NRG2: variants seen among roughly 807,000 people sequenced by gnomAD.
NRG2 encodes pro-neuregulin-2, membrane-bound isoform.
A neutral mutation model predicts 73.9 loss-of-function variants in NRG2; 27 were observed. The ratio of observed to expected loss-of-function variants is 0.37; its 90% CI spans 0.27 to 0.50. NRG2 has a LOEUF of 0.50. Among genes scored for constraint, NRG2 ranks in the 20% least tolerant of loss-of-function variants. The probability of loss-of-function intolerance (pLI) is 0.96; values close to 1 mark genes in which losing one functional copy is unlikely to be tolerated. For missense variants in NRG2, 1,126 were observed against 1,210.1 expected (o/e 0.93, Z 1.03); for synonymous variants, 532 against 541.0 (o/e 0.98, Z 0.23).
chr5:139,938,941 GAAAGAA>G (rs1753123544), intron 1 of NRG2, among the ~76,000 whole-genome samples: 2 of 113,282 alleles, frequency 1.8e-5, no homozygotes, highest in South Asian at 5.8e-4. Flanking sequence ...AAGAAAGAAA[GAAAGAA>G]AGAAAGAAAG....
At chr5:139,963,879 G>T (rs1304782163) in intron 1 of NRG2, among the ~76,000 whole-genome samples, 1 of 152,176 alleles carries the variant, frequency 6.6e-6, no homozygotes, top group Non-Finnish European at 1.5e-5. Context: ...AAGAGTTGGG[G>T]TTGTTCACAT....
intron 6 of NRG2, 104 bp downstream of exon 6, chr5:139,855,572 T>C: frequency 2.0e-6 from 2 of 983,694 alleles, no homozygotes; most frequent in Admixed American, 3.4e-5. Flanking sequence ...TAGGAGGGTA[T>C]AGAGGGCTCC....
Position 139,856,137 on chromosome 5 carries a change from GC to G in NRG2, c.1190-360del. On this transcript the variant is annotated intron_variant, in intron 5 of 9. Transcript: ENST00000361474. The surrounding 1 kb of genome is among the most constrained non-coding windows in gnomAD (Gnocchi z 4.2). ...GAGCAGGGGAGGACAGCTCAGTCTG[GC>G]CGGTGACCCTGCCCTGCTCCACAGT... The G allele has an allele frequency of 3.6e-6, 1 of 278,232 alleles. No homozygotes were observed. The highest frequency in any genetic ancestry group is 6.1e-5 in the South Asian group (1 of 16,450). The allele number at this position is 278,232 out of a possible 1,614,324, so 17.2% of individuals were successfully genotyped here. A position where few individuals can be genotyped will look rare whatever the true frequency, so the allele number is the denominator to read the frequency against.
chr5:139,944,245 C>T (rs566273131), intron 1 of NRG2, among the ~76,000 whole-genome samples: 1 of 152,178 alleles, frequency 6.6e-6, no homozygotes, highest in South Asian at 2.1e-4. Flanking sequence ...AAACATTTAT[C>T]ATTTCTTTGT....
chr5:140,001,506 G>A (rs906953341), intron 1 of NRG2, among the ~76,000 whole-genome samples: 1 of 152,080 alleles, frequency 6.6e-6, no homozygotes, highest in Non-Finnish European at 1.5e-5. Flanking sequence ...TATAAAAGCA[G>A]ATATAATTCA....
At chr5:139,888,708 C>A (rs989497795) in intron 1 of NRG2, among the ~76,000 whole-genome samples, 3 of 152,104 alleles carry the variant, frequency 2.0e-5, no homozygotes, top group African/African-American at 7.2e-5. Flanking sequence ...GGGCACAGGG[C>A]ACAGAGGAAG....
chr5:139,929,739 G>A (rs778869645), intron 1 of NRG2, among the ~76,000 whole-genome samples: 1 of 152,168 alleles, frequency 6.6e-6, no homozygotes, highest in Non-Finnish European at 1.5e-5. Flanking sequence ...AAGATTGGAT[G>A]CCGTGACTTC....
rs2127070120 is a variant in NRG2, at chr5:139,870,609, T to C, written c.1112+1112A>G. Among the ~76,000 whole-genome samples, 1 of 152,258 alleles carries C rather than the reference T, an allele frequency of 6.6e-6. No individual in the cohort carries two copies. The highest frequency in any genetic ancestry group is 2.4e-5 in the African/African-American group (1 of 41,536). ...ACATCTCTCTCTGAATCCCCATCAATGTTTTGGTGGCCTTTGCCCAGATGC... is the reference window on the plus strand; with the variant it reads ...ACATCTCTCTCTGAATCCCCATCAACGTTTTGGTGGCCTTTGCCCAGATGC... On this transcript the variant is annotated intron_variant, in intron 4 of 9. Coordinates refer to ENST00000361474, the MANE Select transcript of NRG2 (RefSeq NM_004883.3). The surrounding 1 kb of genome is among the most constrained non-coding windows in gnomAD (Gnocchi z 4.4).
chr5:139,857,358 C>A (rs570512567), intron 5 of NRG2, among the ~76,000 whole-genome samples: 12 of 152,184 alleles, frequency 7.9e-5, no homozygotes, highest in Non-Finnish European at 1.6e-4. Context: ...CCTGACTGCT[C>A]CCTGAAGTAT....
chr5:139,890,207 A>G (rs116069233), intron 1 of NRG2, among the ~76,000 whole-genome samples: 1 of 152,142 alleles, frequency 6.6e-6, no homozygotes, highest in African/African-American at 2.4e-5. Context: ...TGTCATTTTA[A>G]TTTGCATTTA....
chr5:139,851,917 T>A lies in NRG2; in HGVS notation c.1545-86A>T. On this transcript the variant is annotated intron_variant, in intron 8 of 9. Transcript: ENST00000361474. The surrounding 1 kb of genome is among the most constrained non-coding windows in gnomAD (Gnocchi z 4.2). Reference sequence around the variant, plus strand: ...GTGGTCCCATGGACCTCCCTGGCTCTTCTTCCACCTCGAGCTCCCTTAGCT... The same window carrying A: ...GTGGTCCCATGGACCTCCCTGGCTCATCTTCCACCTCGAGCTCCCTTAGCT... The A allele has an allele frequency of 8.7e-7, 1 of 1,151,730 alleles. No homozygotes were observed. Among genetic ancestry groups the A allele is most frequent in the East Asian group, 2.5e-5 (1 of 39,766 alleles). 71.3% of individuals were successfully genotyped at this position (1,151,730 alleles called of 1,614,324 possible). A position where few individuals can be genotyped will look rare whatever the true frequency, so the allele number is the denominator to read the frequency against.
chr5:139,902,473 C>T (rs1764949280), intron 1 of NRG2, among the ~76,000 whole-genome samples: 1 of 152,168 alleles, frequency 6.6e-6, no homozygotes. Context: ...GTCCCCTTCT[C>T]TCTCCCCTCC....
At chr5:139,961,504 A>G (rs1461419728) in intron 1 of NRG2, among the ~76,000 whole-genome samples, 1 of 152,210 alleles carries the variant, frequency 6.6e-6, no homozygotes, top group East Asian at 1.9e-4. Context: ...ACATTCTTCA[A>G]GGCCAGGCCC....
At chr5:139,982,408 G>A (rs1176004230) in intron 1 of NRG2, among the ~76,000 whole-genome samples, 1 of 151,960 alleles carries the variant, frequency 6.6e-6, no homozygotes, top group African/African-American at 2.4e-5. Context: ...CCTGGCCCCC[G>A]TTCTCTGGGA....
chr5:139,861,299 A>T lies in NRG2; in HGVS notation c.1189+4250T>A, dbSNP rs142559813. Among the ~76,000 whole-genome samples, 3 of 152,196 alleles carry T rather than the reference A, an allele frequency of 2.0e-5. No homozygotes were observed. The East Asian group carries it at 5.8e-4, about 29-fold the overall frequency. The stretch of plus-strand genomic sequence containing the variant: ...CAGGGAAGGTGTGACACTGTGTCTG[A>T]TATTCTCATCTGCCTTGGAGGAAGG... On this transcript the variant is annotated intron_variant, in intron 5 of 9. Coordinates refer to ENST00000361474, the MANE Select transcript of NRG2 (RefSeq NM_004883.3).
intron 3 of NRG2, among the ~76,000 whole-genome samples, 179 bp downstream of exon 3, chr5:139,880,677 A>G (rs1384688691): frequency 2.6e-5 from 4 of 152,042 alleles, no homozygotes; most frequent in Admixed American, 6.5e-5. Flanking sequence ...AAAGCTAAAC[A>G]TTTATGCTTC....
intron 1 of NRG2, among the ~76,000 whole-genome samples, chr5:139,971,953 A>C (rs1426019473): frequency 6.6e-6 from 1 of 152,168 alleles, no homozygotes; most frequent in Non-Finnish European, 1.5e-5. Flanking sequence ...AGAACAAAAA[A>C]AGAGAACGTG....
chr5:139,879,449 C>T (rs1051602582), intron 3 of NRG2, among the ~76,000 whole-genome samples: 3 of 152,164 alleles, frequency 2.0e-5, no homozygotes, highest in South Asian at 2.1e-4. Context: ...CCCCACTCTC[C>T]GAACATGGGA....
At chr5:140,015,174 T>G (rs189125265) in intron 1 of NRG2, among the ~76,000 whole-genome samples, 35 of 152,330 alleles carry the variant, frequency 2.3e-4, no homozygotes, top group Middle Eastern at 6.8e-3. Flanking sequence ...TCTTATAATA[T>G]TTATAACTTT....
Sources: allele counts gnomAD v4.1 joint callset (sites outside exome capture counted in the v4.1 genomes callset), GRCh38; gene constraint gnomAD v4.1.1; non-coding constraint Gnocchi (gnomAD v3.1); transcripts MANE v1.5; gene names NCBI Gene and HGNC (gene_info 2026-07-23, HGNC 2026-07-21).